The following MSRA variants were observed in gnomAD, a reference collection of about 807,000 sequenced individuals.
The protein encoded by MSRA is methionine sulfoxide reductase A.
MSRA carries 54 observed loss-of-function variants against 31.3 expected under a neutral mutation model. The ratio of observed to expected loss-of-function variants is 1.73; its 90% CI spans 1.39 to 2.17. The LOEUF (loss-of-function observed/expected upper bound fraction) is 2.17. MSRA is among the 30% of genes most tolerant of loss of function. The pLI is 0.00. For synonymous variants in MSRA, 169 were observed against 116.5 expected (o/e 1.45, Z -2.90); for missense variants, 507 against 300.9 (o/e 1.69, Z -5.07).
intron 1 of MSRA, among the ~76,000 whole-genome samples, chr8:10,084,515 A>G (rs1382448136): frequency 6.6e-6 from 1 of 152,348 alleles, no homozygotes; most frequent in East Asian, 1.9e-4. Flanking sequence ...GCGGGTGGGT[A>G]TACAAACTGG....
At chr8:10,348,818 G>A (rs1373376669) in intron 5 of MSRA, among the ~76,000 whole-genome samples, 2 of 152,222 alleles carry the variant, frequency 1.3e-5, no homozygotes, top group Admixed American at 6.5e-5. Flanking sequence ...GGGATCTGCA[G>A]GGTCTTGGCA....
At chr8:10,205,411 C>T (rs909655199) in intron 1 of MSRA, among the ~76,000 whole-genome samples, 1 of 152,070 alleles carries the variant, frequency 6.6e-6, no homozygotes, top group African/African-American at 2.4e-5. Flanking sequence ...AGTTAGAAAG[C>T]AGGAGCATGG....
At chr8:10,109,796 T>C (rs1044182826) in intron 1 of MSRA, among the ~76,000 whole-genome samples, 2 of 152,230 alleles carry the variant, frequency 1.3e-5, no homozygotes, top group Admixed American at 6.5e-5. Context: ...GATGGTTGTT[T>C]GATGTCTTTT....
At chr8:10,229,834 G>A (rs527671530) in intron 2 of MSRA, among the ~76,000 whole-genome samples, 5 of 152,306 alleles carry the variant, frequency 3.3e-5, no homozygotes, top group African/African-American at 1.2e-4. Flanking sequence ...TAGGAATTTG[G>A]AAGAGGAAAG....
At chr8:10,369,569 C>G (rs944442343) in intron 5 of MSRA, among the ~76,000 whole-genome samples, 4 of 152,052 alleles carry the variant, frequency 2.6e-5, no homozygotes, top group African/African-American at 9.7e-5. Context: ...CATTAAAACT[C>G]CCATCAGAGA....
chr8:10,089,923 G>C (rs1798774401), intron 1 of MSRA, among the ~76,000 whole-genome samples: 1 of 152,170 alleles, frequency 6.6e-6, no homozygotes, highest in African/African-American at 2.4e-5. Flanking sequence ...TATGCCCCCA[G>C]GAGCCGAACA....
chr8:10,187,056 C>T (rs975887079), intron 1 of MSRA, among the ~76,000 whole-genome samples: 1 of 152,140 alleles, frequency 6.6e-6, no homozygotes, highest in African/African-American at 2.4e-5. Flanking sequence ...TTGAGCTTAA[C>T]TGGAGCTATA....
At chr8:10,396,287 C>T (rs1454239141) in intron 5 of MSRA, among the ~76,000 whole-genome samples, 1 of 152,244 alleles carries the variant, frequency 6.6e-6, no homozygotes, top group African/African-American at 2.4e-5. Flanking sequence ...CCAACATCCT[C>T]TCCCCTCCTT....
intron 1 of MSRA, among the ~76,000 whole-genome samples, chr8:10,205,295 T>A (rs1192367320): frequency 6.6e-6 from 1 of 150,912 alleles, no homozygotes; most frequent in Non-Finnish European, 1.5e-5. Context: ...GCTTCGGTAA[T>A]GAAAAAAAGA....
chr8:10,214,799 G>T (rs1422185574), intron 2 of MSRA, among the ~76,000 whole-genome samples: 1 of 152,174 alleles, frequency 6.6e-6, no homozygotes, highest in Admixed American at 6.5e-5. Flanking sequence ...AGGGGGCAAT[G>T]GTCATTGGAG....
chr8:10,121,445 A>C (rs1801101491), intron 1 of MSRA, among the ~76,000 whole-genome samples: 1 of 152,188 alleles, frequency 6.6e-6, no homozygotes, highest in Admixed American at 6.5e-5. Context: ...CTGACGTAGA[A>C]GTGCAAAAAT....
intron 3 of MSRA, among the ~76,000 whole-genome samples, chr8:10,256,525 G>A (rs937316979): frequency 2.0e-5 from 3 of 152,202 alleles, no homozygotes; most frequent in African/African-American, 7.2e-5. Flanking sequence ...AGTTCTACCA[G>A]AGAGGATTTC....
chr8:10,291,342 C>G (rs1441695938), intron 3 of MSRA, among the ~76,000 whole-genome samples: 1 of 151,876 alleles, frequency 6.6e-6, no homozygotes, highest in African/African-American at 2.4e-5. Flanking sequence ...TATTTTTTTT[C>G]TACTTTTCAA....
intron 4 of MSRA, among the ~76,000 whole-genome samples, chr8:10,314,702 A>G (rs1801617368): frequency 6.6e-6 from 1 of 152,194 alleles, no homozygotes; most frequent in South Asian, 2.1e-4. Flanking sequence ...ACATGTCAAG[A>G]ATGTTCTTTA....
intron 2 of MSRA, among the ~76,000 whole-genome samples, chr8:10,226,193 C>T (rs1014765226): frequency 2.0e-5 from 3 of 152,190 alleles, no homozygotes; most frequent in Non-Finnish European, 4.4e-5. Flanking sequence ...GTGATGAAAA[C>T]ACTGAGTATC....
At chr8:10,096,108 CCTTT>C in intron 1 of MSRA, 1 of 1,292,700 alleles carries the variant, frequency 7.7e-7, no homozygotes, top group Non-Finnish European at 1.0e-6. Context: ...TTTCAAGGAG[CCTTT>C]CTAAGATTTT....
At chr8:10,072,661 A>AT (rs1380823505) in intron 1 of MSRA, among the ~76,000 whole-genome samples, 3 of 152,212 alleles carry the variant, frequency 2.0e-5, no homozygotes, top group African/African-American at 7.2e-5. Context: ...CCTTGCTAGG[A>AT]TTTTGATAGG....
At chr8:10,374,093 A>G (rs1168768735) in intron 5 of MSRA, among the ~76,000 whole-genome samples, 1 of 152,176 alleles carries the variant, frequency 6.6e-6, no homozygotes, top group East Asian at 1.9e-4. Context: ...AGGCTGATTG[A>G]TCGAGAAGTC....
chr8:10,375,079 G>A (rs564150332), intron 5 of MSRA, among the ~76,000 whole-genome samples: 6 of 152,136 alleles, frequency 3.9e-5, no homozygotes, highest in Non-Finnish European at 8.8e-5. Flanking sequence ...CTGCAGAACC[G>A]TGAGCCAAAA....
Sources: gnomAD v4.1 joint callset for allele counts (sites outside exome capture counted in the v4.1 genomes callset) on GRCh38, gnomAD v4.1.1 for gene constraint, MANE v1.5 for transcripts, NCBI Gene and HGNC (gene_info 2026-07-23, HGNC 2026-07-21) for gene names.